The following SMAP1 variants were observed in gnomAD, a reference collection of about 807,000 sequenced individuals.
SMAP1 encodes small ArfGAP 1.
A neutral mutation model predicts 58.5 loss-of-function variants in SMAP1; 24 were observed. The observed-to-expected ratio is 0.41, with a 90% CI of 0.30 to 0.58. The LOEUF is 0.58. Ranked by LOEUF, SMAP1 falls within the 20% of genes least tolerant of loss-of-function variation. SMAP1 has a pLI of 0.29. For synonymous variants in SMAP1, 216 were observed against 196.6 expected (o/e 1.10, Z -0.82); for missense variants, 563 against 566.3 (o/e 0.99, Z 0.06).
chr6:70,793,791 G>A (rs533742774), intron 5 of SMAP1, among the ~76,000 whole-genome samples: 50 of 151,852 alleles, frequency 3.3e-4, no homozygotes, highest in Admixed American at 1.0e-3. Flanking sequence ...GCGCGATCTC[G>A]GCTTATTGCA....
At chr6:70,845,835 A>G (rs1770966234) in intron 7 of SMAP1, among the ~76,000 whole-genome samples, 1 of 152,222 alleles carries the variant, frequency 6.6e-6, no homozygotes, top group Non-Finnish European at 1.5e-5. Flanking sequence ...AGGTTTGGAC[A>G]GAGGGGCGCT....
intron 1 of SMAP1, among the ~76,000 whole-genome samples, chr6:70,688,906 T>C (rs954834310): frequency 6.6e-6 from 1 of 152,174 alleles, no homozygotes; most frequent in African/African-American, 2.4e-5. Flanking sequence ...TACAGTGTTA[T>C]GTTTTATATT....
At chr6:70,745,717 A>G (rs1215506289) in intron 2 of SMAP1, among the ~76,000 whole-genome samples, 1 of 152,200 alleles carries the variant, frequency 6.6e-6, no homozygotes, top group East Asian at 1.9e-4. Context: ...GAAGAAAGTC[A>G]TTGGTAGCTT....
At chr6:70,783,231 A>G (rs1767840729) in intron 4 of SMAP1, among the ~76,000 whole-genome samples, 1 of 152,240 alleles carries the variant, frequency 6.6e-6, no homozygotes, top group Non-Finnish European at 1.5e-5. Context: ...ACAGACCTGC[A>G]GCTGAGGGTC....
At chr6:70,788,823 C>G (rs1052378792) in intron 4 of SMAP1, among the ~76,000 whole-genome samples, 2 of 152,120 alleles carry the variant, frequency 1.3e-5, no homozygotes, top group Non-Finnish European at 2.9e-5. Context: ...TGTATATAAA[C>G]TATTCAGGCC....
intron 4 of SMAP1, among the ~76,000 whole-genome samples, chr6:70,783,179 C>A (rs191108463): frequency 1.3e-5 from 2 of 152,314 alleles, no homozygotes; most frequent in East Asian, 1.9e-4. Context: ...GCTGCTAATA[C>A]CCAGGCAAAC....
chr6:70,807,838 G>A (rs901742008), intron 6 of SMAP1, among the ~76,000 whole-genome samples: 10 of 152,024 alleles, frequency 6.6e-5, no homozygotes, highest in Admixed American at 2.0e-4. Context: ...CCACTGTGCC[G>A]TTGAAAATCC....
At chr6:70,778,592 G>T (rs1235332568) in intron 4 of SMAP1, among the ~76,000 whole-genome samples, 1 of 152,210 alleles carries the variant, frequency 6.6e-6, no homozygotes, top group Non-Finnish European at 1.5e-5. Context: ...CATGTGCAAT[G>T]GATGTCATAG....
intron 1 of SMAP1, among the ~76,000 whole-genome samples, chr6:70,719,066 A>G: frequency 6.6e-6 from 1 of 152,172 alleles, no homozygotes; most frequent in East Asian, 1.9e-4. Flanking sequence ...TTTTGGAGTT[A>G]AAGGTTTGAT....
intron 6 of SMAP1, among the ~76,000 whole-genome samples, chr6:70,834,287 A>G (rs1368219526): frequency 6.6e-6 from 1 of 152,072 alleles, no homozygotes; most frequent in Non-Finnish European, 1.5e-5. Context: ...GTCTTAGATC[A>G]TAGAAAATAA....
intron 6 of SMAP1, among the ~76,000 whole-genome samples, chr6:70,824,224 C>T (rs1020140717): frequency 6.6e-6 from 1 of 152,162 alleles, no homozygotes; most frequent in African/African-American, 2.4e-5. Flanking sequence ...TGGTGACTTG[C>T]AAGCTCCCTG....
chr6:70,823,091 T>C (rs1427340063), intron 6 of SMAP1, among the ~76,000 whole-genome samples: 1 of 152,232 alleles, frequency 6.6e-6, no homozygotes, highest in African/African-American at 2.4e-5. Flanking sequence ...TTTAAATTCA[T>C]GGTCTGATAA....
intron 1 of SMAP1, among the ~76,000 whole-genome samples, chr6:70,686,584 T>TG (rs1766943654): frequency 6.6e-6 from 1 of 152,236 alleles, no homozygotes; most frequent in Non-Finnish European, 1.5e-5. Context: ...AACACACATT[T>TG]CTTTTTTAGC....
intron 6 of SMAP1, among the ~76,000 whole-genome samples, chr6:70,818,675 T>C (rs1769750261): frequency 6.6e-6 from 1 of 152,138 alleles, no homozygotes; most frequent in African/African-American, 2.4e-5. Flanking sequence ...TGGGGGATGC[T>C]AAATTTGTGG....
At chr6:70,686,365 T>C (rs955889134) in intron 1 of SMAP1, among the ~76,000 whole-genome samples, 4 of 152,218 alleles carry the variant, frequency 2.6e-5, no homozygotes, top group Non-Finnish European at 4.4e-5. Flanking sequence ...TGACAACTTA[T>C]GTGGTCTGTG....
chr6:70,838,583 T>C (rs1486866981), intron 7 of SMAP1, among the ~76,000 whole-genome samples: 1 of 152,214 alleles, frequency 6.6e-6, no homozygotes, highest in Non-Finnish European at 1.5e-5. Flanking sequence ...TCTGGGTATC[T>C]GGATCTGTAA....
intron 1 of SMAP1, among the ~76,000 whole-genome samples, chr6:70,716,127 G>T (rs1048060526): frequency 7.9e-5 from 12 of 152,168 alleles, no homozygotes; most frequent in Non-Finnish European, 7.3e-5. Flanking sequence ...TTATCTACTT[G>T]TTGATGGGCA....
intron 2 of SMAP1, among the ~76,000 whole-genome samples, chr6:70,745,355 G>A (rs989104413): frequency 5.3e-5 from 8 of 152,192 alleles, no homozygotes; most frequent in African/African-American, 1.7e-4. Context: ...TTTGTATAAG[G>A]TATAAGGAAG....
chr6:70,727,986 C>T (rs930894113), intron 1 of SMAP1, among the ~76,000 whole-genome samples: 1 of 152,036 alleles, frequency 6.6e-6, no homozygotes, highest in African/African-American at 2.4e-5. Flanking sequence ...TCACTTGAGC[C>T]TGGGAGGCAG....
Sources: gnomAD v4.1 joint callset for allele counts (sites outside exome capture counted in the v4.1 genomes callset) on GRCh38, gnomAD v4.1.1 for gene constraint, MANE v1.5 for transcripts, NCBI Gene and HGNC (gene_info 2026-07-23, HGNC 2026-07-21) for gene names.